Variants in VPS13B observed in about 807,000 individuals in gnomAD.
VPS13B encodes the protein intermembrane lipid transfer protein VPS13B.
VPS13B carries 285 observed loss-of-function variants against 426.4 expected under a neutral mutation model. The observed-to-expected ratio is 0.67, with a 90% CI of 0.61 to 0.74. The LOEUF (loss-of-function observed/expected upper bound fraction) is 0.74. Among genes scored for constraint, VPS13B ranks in the 30% least tolerant of loss-of-function variants. VPS13B has a pLI of 0.00. For synonymous variants in VPS13B, 1,676 were observed against 1,676.4 expected (o/e 1.00, Z 0.01); for missense variants, 4,537 against 4,782.6 (o/e 0.95, Z 1.51).
At chr8:99,633,206 G>T (rs1213996119) in intron 33 of VPS13B, among the ~76,000 whole-genome samples, 1 of 151,954 alleles carries the variant, frequency 6.6e-6, no homozygotes, top group Non-Finnish European at 1.5e-5. Flanking sequence ...ATAAGGATTT[G>T]TATGTATTTC....
intron 36 of VPS13B, among the ~76,000 whole-genome samples, chr8:99,703,827 G>A (rs1588639084): frequency 1.3e-5 from 2 of 151,972 alleles, no homozygotes; most frequent in Admixed American, 1.3e-4. Flanking sequence ...CTGTTTGGGC[G>A]GCACTCCTTA....
At chr8:99,481,525 C>T (rs909740906) in intron 24 of VPS13B, 74 bp from the exon 25 acceptor site, 4 of 1,460,352 alleles carry the variant, frequency 2.7e-6, no homozygotes, top group East Asian at 2.3e-5. Flanking sequence ...TTAATTTTCT[C>T]ATATTATTAT....
rs1821525639 is a variant in VPS13B, at chr8:99,506,850, C to G, written c.4158-287C>G. ...CCAGCCTGGGCGACAGAGCAAGGCT[C>G]TATCTTTAAAAAAGAAAAATAGACA... is the stretch of plus-strand genomic sequence containing the variant. On this transcript the variant is annotated intron_variant, in intron 27 of 61. Transcript: ENST00000357162. Among the ~76,000 whole-genome samples, 4 of 152,096 alleles carry G rather than the reference C, an allele frequency of 2.6e-5. No homozygotes were observed. The South Asian group carries it at 8.3e-4, about 32-fold the overall frequency.
chr8:99,869,053 C>T (rs973507526), intron 59 of VPS13B, among the ~76,000 whole-genome samples: 3 of 152,234 alleles, frequency 2.0e-5, no homozygotes, highest in Non-Finnish European at 2.9e-5. Context: ...CCCGTGCAGC[C>T]GCATGCACAC....
At chr8:99,287,665 G>A (rs1819519885) in intron 19 of VPS13B, among the ~76,000 whole-genome samples, 2 of 151,756 alleles carry the variant, frequency 1.3e-5, no homozygotes, top group East Asian at 3.9e-4. Flanking sequence ...TACACCATAG[G>A]AAAATGGCCA....
intron 39 of VPS13B, among the ~76,000 whole-genome samples, chr8:99,737,640 A>G (rs1353790620): frequency 6.6e-6 from 1 of 152,238 alleles, no homozygotes; most frequent in African/African-American, 2.4e-5. Context: ...ATTAAACCAA[A>G]AGCGTGTATC....
At chr8:99,584,519 A>G (rs941396422) in intron 33 of VPS13B, among the ~76,000 whole-genome samples, 1 of 152,226 alleles carries the variant, frequency 6.6e-6, no homozygotes, top group Non-Finnish European at 1.5e-5. Flanking sequence ...TACACTGGCT[A>G]CAGTCTGACA....
intron 17 of VPS13B, among the ~76,000 whole-genome samples, chr8:99,214,409 T>G (rs940154641): frequency 1.3e-5 from 2 of 152,234 alleles, no homozygotes; most frequent in African/African-American, 2.4e-5. Context: ...ATTGTACTTT[T>G]TATCTGTAGA....
intron 35 of VPS13B, among the ~76,000 whole-genome samples, chr8:99,687,375 A>G (rs1831459222): frequency 6.6e-6 from 1 of 151,896 alleles, no homozygotes; most frequent in East Asian, 1.9e-4. Flanking sequence ...CCCCAAGTTC[A>G]CTGGCTCCTA....
chr8:99,422,013 A>G (rs943324338), intron 21 of VPS13B, among the ~76,000 whole-genome samples: 1 of 152,170 alleles, frequency 6.6e-6, no homozygotes, highest in East Asian at 1.9e-4. Flanking sequence ...AAGCACTTGC[A>G]GCAGTGCCTG....
chr8:99,576,448 C>T (rs528065016), intron 32 of VPS13B, among the ~76,000 whole-genome samples: 9 of 151,240 alleles, frequency 6.0e-5, no homozygotes, highest in South Asian at 2.1e-4. Flanking sequence ...AATAAGAATT[C>T]TAACTAGAGT....
intron 40 of VPS13B, among the ~76,000 whole-genome samples, chr8:99,774,710 TA>T: frequency 1.3e-5 from 2 of 152,316 alleles, no homozygotes; most frequent in Admixed American, 1.3e-4. Flanking sequence ...TTCAAATGTG[TA>T]AAACACATGT....
chr8:99,277,073 T>C (rs1229388046), intron 19 of VPS13B, among the ~76,000 whole-genome samples: 1 of 152,050 alleles, frequency 6.6e-6, no homozygotes, highest in East Asian at 1.9e-4. Context: ...GCTCTAAAAG[T>C]AAAGTGGTAT....
At chr8:99,398,528 C>A (rs1375319411) in intron 21 of VPS13B, among the ~76,000 whole-genome samples, 1 of 152,018 alleles carries the variant, frequency 6.6e-6, no homozygotes, top group Admixed American at 6.6e-5. Flanking sequence ...CTATGTACAC[C>A]AATCATTCAA....
At chr8:99,645,105 G>A (rs1829529890) in intron 34 of VPS13B, among the ~76,000 whole-genome samples, 1 of 152,124 alleles carries the variant, frequency 6.6e-6, no homozygotes, top group Non-Finnish European at 1.5e-5. Flanking sequence ...GATCTGAATT[G>A]GAGGTTCTCT....
intron 43 of VPS13B, among the ~76,000 whole-genome samples, chr8:99,791,377 C>T (rs1004283375): frequency 2.4e-4 from 36 of 152,080 alleles, no homozygotes; most frequent in Admixed American, 2.4e-3. Flanking sequence ...GAGCCAGCTC[C>T]AGCACACCAC....
At position 99,449,140 on chromosome 8, in the gene VPS13B, G is replaced by A. The variant is rs1373173472; in HGVS notation, c.3445+6505G>A. Among the ~76,000 whole-genome samples, 3 of 152,242 alleles carry A rather than the reference G, an allele frequency of 2.0e-5. No homozygotes were observed. The East Asian group carries it at 5.8e-4, about 29-fold the overall frequency. ...AACCAGGGCAGTGGTAATAGATACT[G>A]GGACAGAATAGAGAGAAATATTTAA... On this transcript the variant is annotated intron_variant, in intron 23 of 61. Coordinates refer to ENST00000357162, the MANE Select transcript of VPS13B (RefSeq NM_152564.5).
intron 44 of VPS13B, among the ~76,000 whole-genome samples, chr8:99,814,913 AGACT>A (rs1563487393): frequency 6.6e-6 from 1 of 152,154 alleles, no homozygotes; most frequent in Non-Finnish European, 1.5e-5. Context: ...TATGAGAGAC[AGACT>A]ATCAGGGTGA....
intron 15 of VPS13B, among the ~76,000 whole-genome samples, chr8:99,165,677 C>T (rs192065912): frequency 5.9e-5 from 9 of 152,258 alleles, no homozygotes; most frequent in African/African-American, 1.4e-4. Context: ...ACACATTTTA[C>T]GGTTACATAA....
Sources: gnomAD v4.1 joint callset for allele counts (sites outside exome capture counted in the v4.1 genomes callset) on GRCh38, gnomAD v4.1.1 for gene constraint, MANE v1.5 for transcripts, NCBI Gene and HGNC (gene_info 2026-07-23, HGNC 2026-07-21) for gene names.